BMPER: variants seen among roughly 807,000 people sequenced by gnomAD.
BMPER encodes the protein BMP binding endothelial regulator.
A neutral mutation model predicts 87.3 loss-of-function variants in BMPER; 45 were observed. The ratio of observed to expected loss-of-function variants is 0.52; its 90% CI spans 0.41 to 0.66. The LOEUF is 0.66. Among genes scored for constraint, BMPER ranks in the 30% least tolerant of loss-of-function variants. BMPER has a pLI of 0.00. For missense variants in BMPER, 784 were observed against 867.5 expected, an observed-to-expected ratio of 0.90 and a Z score of 1.21; for synonymous variants, 326 against 316.2, an observed-to-expected ratio of 1.03 and a Z score of -0.33.
intron 2 of BMPER, among the ~76,000 whole-genome samples, chr7:33,924,769 G>T (rs1240067537): frequency 6.6e-6 from 1 of 152,192 alleles, no homozygotes; most frequent in East Asian, 1.9e-4. Flanking sequence ...CCGGGCTCAA[G>T]CGATTCTCCT....
intron 13 of BMPER, among the ~76,000 whole-genome samples, chr7:34,121,575 A>T (rs377659595): frequency 6.6e-6 from 1 of 152,198 alleles, no homozygotes; most frequent in African/African-American, 2.4e-5. Context: ...GGTCATGATT[A>T]TTAAACAAGA....
At chr7:33,994,630 C>T (rs1046159577) in intron 6 of BMPER, among the ~76,000 whole-genome samples, 7 of 152,154 alleles carry the variant, frequency 4.6e-5, no homozygotes, top group African/African-American at 1.7e-4. Flanking sequence ...CCTATTCGGC[C>T]ATCTTGTGTT....
At chr7:34,143,047 G>A (rs1001971373) in intron 13 of BMPER, among the ~76,000 whole-genome samples, 183 bp from the exon 14 acceptor site, 5 of 152,126 alleles carry the variant, frequency 3.3e-5, no homozygotes, top group Admixed American at 1.3e-4. Context: ...ATATCACACT[G>A]TTCAAAGGTA....
intron 13 of BMPER, among the ~76,000 whole-genome samples, chr7:34,126,391 G>A (rs1326191272): frequency 6.6e-6 from 1 of 152,158 alleles, no homozygotes; most frequent in African/African-American, 2.4e-5. Context: ...CTTTAAATGT[G>A]ATGAGATATT....
intron 6 of BMPER, among the ~76,000 whole-genome samples, chr7:34,022,479 A>T (rs1253159289): frequency 6.6e-6 from 1 of 152,018 alleles, no homozygotes; most frequent in Non-Finnish European, 1.5e-5. Flanking sequence ...TTCAAGGAAG[A>T]ATCTGAACTT....
At chr7:34,101,035 A>G (rs1789668207) in intron 13 of BMPER, among the ~76,000 whole-genome samples, 1 of 152,154 alleles carries the variant, frequency 6.6e-6, no homozygotes, top group African/African-American at 2.4e-5. Context: ...AGAATCTGCA[A>G]ATTTGACAAG....
intron 3 of BMPER, among the ~76,000 whole-genome samples, chr7:33,938,906 T>C (rs1480494989): frequency 6.6e-6 from 1 of 152,114 alleles, no homozygotes; most frequent in Non-Finnish European, 1.5e-5. Flanking sequence ...GGTGCCTGTA[T>C]TCCCAGTACT....
intron 6 of BMPER, among the ~76,000 whole-genome samples, chr7:33,987,421 C>T (rs1481964021): frequency 6.6e-6 from 1 of 152,168 alleles, no homozygotes; most frequent in East Asian, 1.9e-4. Context: ...TCTGCACCAT[C>T]CAACATTCCC....
At chr7:34,119,709 C>T (rs1371951657) in intron 13 of BMPER, among the ~76,000 whole-genome samples, 1 of 151,988 alleles carries the variant, frequency 6.6e-6, no homozygotes, top group Non-Finnish European at 1.5e-5. Context: ...AGATGAAAGA[C>T]AAAAATTCAA....
intron 2 of BMPER, among the ~76,000 whole-genome samples, chr7:33,936,669 T>C (rs1000118626): frequency 6.6e-6 from 1 of 152,208 alleles, no homozygotes; most frequent in African/African-American, 2.4e-5. Context: ...AAGATGCAAA[T>C]GTTCACCACA....
chr7:33,991,485 C>T (rs1388970827), intron 6 of BMPER, among the ~76,000 whole-genome samples: 1 of 152,096 alleles, frequency 6.6e-6, no homozygotes, highest in Admixed American at 6.5e-5. Context: ...TTTTTTATTG[C>T]ATCTATTTGA....
chr7:33,965,162 TCATGC>T (rs1274992043), intron 3 of BMPER, among the ~76,000 whole-genome samples: 1 of 152,246 alleles, frequency 6.6e-6, no homozygotes, highest in Non-Finnish European at 1.5e-5. Flanking sequence ...CTGTAACACT[TCATGC>T]AAAGGAAATT....
chr7:34,053,448 C>T (rs1788196922), intron 8 of BMPER, among the ~76,000 whole-genome samples: 1 of 152,098 alleles, frequency 6.6e-6, no homozygotes, highest in South Asian at 2.1e-4. Context: ...GGCATTGATT[C>T]CCTGTACCGT....
Position 34,155,401 on chromosome 7 carries a change from G to A in BMPER, c.*2128G>A, listed in dbSNP as rs1483848907. 6.6e-6 allele frequency: 1 copy of A among 152,050 alleles called. No homozygotes were observed. The highest frequency in any genetic ancestry group is 1.5e-5 in the Non-Finnish European group (1 of 68,012). 9.4% of individuals were successfully genotyped at this position (152,050 alleles called of 1,614,324 possible). On this transcript the variant is annotated 3_prime_UTR_variant, in exon 15 of 15. Transcript: ENST00000649409. The stretch of plus-strand genomic sequence containing the variant: ...CCAAGGACTGAGTTATTCTCCCCAT[G>A]AGGCTAACCGGCCTCTTTCCCAACA...
At chr7:33,933,131 G>A (rs1186918020) in intron 2 of BMPER, among the ~76,000 whole-genome samples, 1 of 152,170 alleles carries the variant, frequency 6.6e-6, no homozygotes, top group Non-Finnish European at 1.5e-5. Flanking sequence ...CTGTGGTTTG[G>A]CTCAAATCCT....
At chr7:34,112,428 G>A (rs972481113) in intron 13 of BMPER, among the ~76,000 whole-genome samples, 8 of 150,244 alleles carry the variant, frequency 5.3e-5, no homozygotes, top group Non-Finnish European at 8.9e-5. Flanking sequence ...CCTCGGAGGC[G>A]GAGCTTGCAG....
intron 2 of BMPER, among the ~76,000 whole-genome samples, chr7:33,932,551 C>T (rs896745249): frequency 1.3e-5 from 2 of 152,146 alleles, no homozygotes; most frequent in Non-Finnish European, 2.9e-5. Context: ...TTCAACATGG[C>T]TAACCAAATG....
At chr7:33,954,370 G>A (rs1299433998) in intron 3 of BMPER, among the ~76,000 whole-genome samples, 1 of 152,210 alleles carries the variant, frequency 6.6e-6, no homozygotes, top group Non-Finnish European at 1.5e-5. Context: ...AGAGCCACTG[G>A]CGTCTAATGT....
chr7:34,126,193 C>G (rs983759746), intron 13 of BMPER, among the ~76,000 whole-genome samples: 1 of 152,198 alleles, frequency 6.6e-6, no homozygotes, highest in African/African-American at 2.4e-5. Flanking sequence ...GAGAGAGCCA[C>G]CCCTTCTCCA....
Sources: gnomAD v4.1 joint callset for allele counts (sites outside exome capture counted in the v4.1 genomes callset) on GRCh38, gnomAD v4.1.1 for gene constraint, MANE v1.5 for transcripts, NCBI Gene and HGNC (gene_info 2026-07-23, HGNC 2026-07-21) for gene names.